The following MAST4 variants were observed in gnomAD, a reference collection of about 807,000 sequenced individuals.
The protein encoded by MAST4 is microtubule-associated serine/threonine-protein kinase 4.
A neutral mutation model predicts 162.7 loss-of-function variants in MAST4; 89 were observed. That is an observed-to-expected ratio of 0.55 (90% CI 0.46 to 0.65). MAST4 has a LOEUF of 0.65. MAST4 is among the 30% of genes least tolerant of loss of function. MAST4 has a pLI of 0.00. For missense variants in MAST4, 3,153 were observed against 3,374.0 expected (o/e 0.93, Z 1.62); for synonymous variants, 1,479 against 1,361.1 (o/e 1.09, Z -1.91).
intron 4 of MAST4, among the ~76,000 whole-genome samples, chr5:66,942,046 G>A (rs879735892): frequency 6.6e-6 from 1 of 152,174 alleles, no homozygotes; most frequent in East Asian, 1.9e-4. Flanking sequence ...CATAAAAGAT[G>A]TAATAATAAT....
intron 24 of MAST4, among the ~76,000 whole-genome samples, chr5:67,150,907 C>G (rs1464177243): frequency 6.6e-6 from 1 of 152,148 alleles, no homozygotes; most frequent in Admixed American, 6.5e-5. Context: ...GTTGGCTTTG[C>G]TCTTCTTTGA....
chr5:67,034,697 T>A (rs1309517562), intron 4 of MAST4, among the ~76,000 whole-genome samples: 1 of 152,198 alleles, frequency 6.6e-6, no homozygotes, highest in Non-Finnish European at 1.5e-5. Flanking sequence ...TATATTCCAA[T>A]GCAATATGAT....
At chr5:67,150,930 A>T (rs1771719165) in intron 24 of MAST4, among the ~76,000 whole-genome samples, 1 of 152,192 alleles carries the variant, frequency 6.6e-6, no homozygotes, top group African/African-American at 2.4e-5. Context: ...AAGCATAAGA[A>T]TTGAAATAGT....
intron 3 of MAST4, among the ~76,000 whole-genome samples, chr5:66,800,922 T>C (rs1021325980): frequency 9.2e-5 from 14 of 152,232 alleles, no homozygotes; most frequent in Admixed American, 5.2e-4. Context: ...TAACATTTTG[T>C]ATACTACTAC....
chr5:67,127,755 C>G (rs1438165825), intron 14 of MAST4, among the ~76,000 whole-genome samples: 1 of 151,512 alleles, frequency 6.6e-6, no homozygotes, highest in Non-Finnish European at 1.5e-5. Context: ...TCATCAGTAG[C>G]TGAAAAAAAG....
chr5:66,665,141 G>A (rs1333796746), intron 1 of MAST4, among the ~76,000 whole-genome samples: 2 of 152,228 alleles, frequency 1.3e-5, no homozygotes, highest in Non-Finnish European at 2.9e-5. Flanking sequence ...AGTGCATATA[G>A]AGAATATTTT....
In MAST4 at chr5:66,909,907, G is replaced by A. The variant is rs1226759812; in HGVS notation, c.674+9925G>A. The stretch of plus-strand genomic sequence containing the variant: ...TTCTTCTGCACAAGCTCTCTTGCCT[G>A]CCACCATGTAAGACATGACTTGCTC... On this transcript the variant is annotated intron_variant, in intron 4 of 28. Transcript: ENST00000403625. 3.3e-5 allele frequency among the ~76,000 whole-genome samples: 5 copies of A among 152,160 alleles called. No individual in the cohort carries two copies. The South Asian group carries it at 6.2e-4, about 19-fold the overall frequency.
At chr5:66,870,893 C>T (rs764197964) in intron 3 of MAST4, 15 of 470,328 alleles carry the variant, frequency 3.2e-5, no homozygotes, top group East Asian at 1.4e-4. Flanking sequence ...GTGTGCATGG[C>T]GGCGTGGTCC....
At chr5:67,109,106 T>C (rs1345952031) in intron 10 of MAST4, among the ~76,000 whole-genome samples, 3 of 152,110 alleles carry the variant, frequency 2.0e-5, no homozygotes, top group Non-Finnish European at 4.4e-5. Flanking sequence ...ACAGTTTTGC[T>C]CTCAGAATAT....
chr5:66,695,283 A>T (rs1749325763), intron 1 of MAST4, among the ~76,000 whole-genome samples: 1 of 152,100 alleles, frequency 6.6e-6, no homozygotes, highest in African/African-American at 2.4e-5. Context: ...TCCTTTCCCC[A>T]TTGCTTGTTT....
rs775130195 is a variant in MAST4, at chr5:67,165,940, C to G, written c.6761C>G (p.Pro2254Arg). 36 of 1,613,298 alleles carry G rather than the reference C, an allele frequency of 2.2e-5. 1 individual carries two copies. In the South Asian group the frequency reaches 3.7e-4, roughly 17 times the overall value. ...GGGCCGGATGTGTTTCCTGCTACCC[C>G]AGGCTCCCAGAACAAAGCCAGCGAT... ...KSGPDVFPAT[P>R]GSQNKASDGI... The change falls in exon 29 of 29, where the codon CCA becomes CGA. Residue 2254 changes from proline (P) to arginine (R), a missense_variant. This residue lies in a region of MAST4 where 1,644 missense variants were observed against 1,495.0 expected (regional missense o/e 1.10). Coordinates refer to ENST00000403625, the MANE Select transcript of MAST4 (RefSeq NM_001164664.2).
intron 3 of MAST4, among the ~76,000 whole-genome samples, chr5:66,829,287 C>T (rs1345174657): frequency 2.0e-5 from 3 of 152,092 alleles, no homozygotes; most frequent in Middle Eastern, 3.4e-3. Context: ...CTCCGCTCGG[C>T]GGCATCTGTC....
intron 19 of MAST4, among the ~76,000 whole-genome samples, chr5:67,138,036 C>A (rs150844678): frequency 3.5e-4 from 53 of 152,242 alleles, no homozygotes; most frequent in African/African-American, 1.3e-3. Context: ...GACTTTTAAC[C>A]TGAAAAGCCA....
intron 4 of MAST4, among the ~76,000 whole-genome samples, chr5:67,019,170 C>T (rs1444324054): frequency 6.6e-6 from 1 of 152,152 alleles, no homozygotes; most frequent in Non-Finnish European, 1.5e-5. Flanking sequence ...TACAAGAAGA[C>T]TGGGGCGGGT....
intron 2 of MAST4, among the ~76,000 whole-genome samples, chr5:66,775,916 A>C (rs1754578803): frequency 6.6e-6 from 1 of 152,172 alleles, no homozygotes; most frequent in Non-Finnish European, 1.5e-5. Context: ...AGCATTCCTT[A>C]AGACAAAAAT....
rs937014282 is a variant in MAST4 at position 66,758,420 on chromosome 5, TTTTA to T, written c.364-1281_364-1278del. 1.8e-4 allele frequency among the ~76,000 whole-genome samples: 28 copies of T among 151,932 alleles called. 1 individual carries two copies. The highest frequency in any genetic ancestry group is 1.4e-3 in the South Asian group (7 of 4,828). ...AAATATTTCTATTTATTTAATTATT[TTTTA>T]TTTATTTTTTGAGATGGGGTCTTGC... On this transcript the variant is annotated intron_variant, in intron 1 of 28. Coordinates refer to ENST00000403625, the MANE Select transcript of MAST4 (RefSeq NM_001164664.2).
intron 3 of MAST4, among the ~76,000 whole-genome samples, chr5:66,863,411 G>T (rs868474655): frequency 3.9e-5 from 6 of 152,194 alleles, no homozygotes; most frequent in Non-Finnish European, 7.3e-5. Context: ...AGTCACTGTG[G>T]TTGCAGCTGC....
chr5:67,060,836 T>C (rs1263526614), intron 5 of MAST4, among the ~76,000 whole-genome samples: 1 of 152,142 alleles, frequency 6.6e-6, no homozygotes, highest in Non-Finnish European at 1.5e-5. Context: ...TTGGAAGATG[T>C]GTAGTTGGGC....
At chr5:66,916,029 A>G (rs1008090879) in intron 4 of MAST4, among the ~76,000 whole-genome samples, 4 of 152,220 alleles carry the variant, frequency 2.6e-5, no homozygotes, top group Admixed American at 1.3e-4. Flanking sequence ...AGCTCTTGCA[A>G]TGCGGCTAGG....
Sources: allele counts gnomAD v4.1 joint callset (sites outside exome capture counted in the v4.1 genomes callset), GRCh38; gene constraint gnomAD v4.1.1; regional missense constraint gnomAD v4.1.1; transcripts MANE v1.5; gene names NCBI Gene and HGNC (gene_info 2026-07-23, HGNC 2026-07-21).